Variants in SLC6A12 observed in about 807,000 individuals in gnomAD.
SLC6A12 encodes solute carrier family 6 member 12.
Under a neutral mutation model 73.3 loss-of-function variants are expected in SLC6A12, and 50 were observed. The ratio of observed to expected loss-of-function variants is 0.68; its 90% CI spans 0.54 to 0.86. SLC6A12 has a LOEUF of 0.86. Ranked by LOEUF, SLC6A12 falls within the 40% of genes least tolerant of loss-of-function variation. SLC6A12 has a pLI of 0.00. For missense variants in SLC6A12, 648 were observed against 772.8 expected, an observed-to-expected ratio of 0.84 and a Z score of 1.92; for synonymous variants, 304 against 309.2, an observed-to-expected ratio of 0.98 and a Z score of 0.18.
Position 196,111 on chromosome 12 carries a change from G to A in SLC6A12, c.1326+13C>T, listed in dbSNP as rs766003363. ...CCTGGAGCCTGGCCTGCAGGCCGGC[G>A]GCCGCAGCTCACCTCGGTGACCAGG... is the stretch of plus-strand genomic sequence containing the variant. On this transcript the variant is annotated intron_variant, in intron 12 of 15. Coordinates refer to ENST00000684302, the MANE Select transcript of SLC6A12 (RefSeq NM_001122848.3). The A allele has an allele frequency of 1.2e-5, 18 of 1,552,708 alleles. No individual in the cohort carries two copies. The highest frequency in any genetic ancestry group is 2.0e-4 in the Middle Eastern group (1 of 4,986).
chr12:209,872 AT>A lies in SLC6A12; in HGVS notation c.114del (p.Gln38HisfsTer92). On this transcript the variant is annotated frameshift_variant, in exon 3 of 16. Coordinates refer to ENST00000684302, the MANE Select transcript of SLC6A12 (RefSeq NM_001122848.3). LOFTEE classifies it high-confidence loss of function. ...EDEDQVKDRG[Q>X]WTNKMEFVLS... ...AGCACAAACTCCATCTTGTTGGTCCATTGGCCCCGATCCTTCACCTGGTCCT... is the reference window on the plus strand; with the variant it reads ...AGCACAAACTCCATCTTGTTGGTCCATGGCCCCGATCCTTCACCTGGTCCT... The A allele has an allele frequency of 6.2e-7, 1 of 1,614,150 alleles. No homozygotes were observed. Among genetic ancestry groups the A allele is most frequent in the Non-Finnish European group, 8.5e-7 (1 of 1,180,024 alleles).
chr12:184,252 C>T, the SLC6A12 span, among the ~76,000 whole-genome samples: 1 of 151,988 alleles, frequency 6.6e-6, no homozygotes, highest in African/African-American at 2.4e-5. Flanking sequence ...AAAATTCAAC[C>T]CTTACTGTTG....
In SLC6A12 at chr12:204,705, AAG is replaced by A; in HGVS notation, c.215-9_215-8del. 6.2e-7 allele frequency: 1 copy of A among 1,613,808 alleles called. No individual in the cohort carries two copies. The highest frequency in any genetic ancestry group is 8.5e-7 in the Non-Finnish European group (1 of 1,179,942). On this transcript the variant is annotated splice_polypyrimidine_tract_variant and splice_region_variant and intron_variant, in intron 3 of 15. Coordinates refer to ENST00000684302, the MANE Select transcript of SLC6A12 (RefSeq NM_001122848.3). ...TAGGGGATGAAGAAGGCTCCTGCAG[AAG>A]AGAGAGAGGCAGGGCTGAGCCACAC...
At chr12:187,606 A>ACCCACAC (rs1565461323), downstream of SLC6A12, among the ~76,000 whole-genome samples, 13 of 14,488 alleles carry the variant, frequency 9.0e-4, no homozygotes, top group Non-Finnish European at 5.1e-3. Flanking sequence ...AAAAAAAAAA[A>ACCCACAC]AAAAAAAAAA....
At position 192,655 on chromosome 12, in the gene SLC6A12, G is replaced by A. The variant is rs1939655921; in HGVS notation, c.1531-7C>T. ...AGGAGAAGAGGAAAGTGGCCTGGGA[G>A]AAGGAAGGGGCAGCCATGGGTAAGA... On this transcript the variant is annotated splice_region_variant and splice_polypyrimidine_tract_variant and intron_variant, in intron 14 of 15. Transcript: ENST00000684302. 2 of 1,613,866 alleles carry A rather than the reference G, an allele frequency of 1.2e-6. No individual in the cohort carries two copies. Among genetic ancestry groups the A allele is most frequent in the Admixed American group, 3.3e-5 (2 of 60,002 alleles).
At chr12:193,216 C>A in intron 14 of SLC6A12, 61 bp downstream of exon 14, 1 of 1,219,788 alleles carries the variant, frequency 8.2e-7, no homozygotes, top group South Asian at 1.2e-5. Context: ...CCGTCCTTTC[C>A]CTCATCTCTG....
chr12:201,243 G>A (rs1212500681), intron 6 of SLC6A12: 2 of 199,364 alleles, frequency 1.0e-5, no homozygotes, highest in Non-Finnish European at 2.0e-5. Flanking sequence ...GGTTAGCTCA[G>A]TGTGAGAGAG....
chr12:201,749 GC>G lies in SLC6A12; in HGVS notation c.578+12del. 6.2e-7 allele frequency: 1 copy of G among 1,607,120 alleles called. No homozygotes were observed. Among genetic ancestry groups the G allele is most frequent in the Non-Finnish European group, 8.5e-7 (1 of 1,173,606 alleles). On this transcript the variant is annotated intron_variant, in intron 6 of 15. Transcript: ENST00000684302. ...TTTCCTCTTCATATGTGGCAAATGG[GC>G]CCAGCACCTACTCCCAGAATTCCAT...
Position 209,753 on chromosome 12 carries a change from C to T in SLC6A12, c.214+20G>A. 1 of 1,614,078 alleles carries T rather than the reference C, an allele frequency of 6.2e-7. No individual in the cohort carries two copies. The highest frequency in any genetic ancestry group is 8.5e-7 in the Non-Finnish European group (1 of 1,179,930). On this transcript the variant is annotated intron_variant, in intron 3 of 15. Coordinates refer to ENST00000684302, the MANE Select transcript of SLC6A12 (RefSeq NM_001122848.3). The stretch of plus-strand genomic sequence containing the variant: ...CAGCACACAGCTCTCCCCACCATGC[C>T]TACCTCAAAGTGAACTCACCACCTC...
intron 10 of SLC6A12, among the ~76,000 whole-genome samples, 181 bp downstream of exon 10, chr12:197,194 CAT>C (rs1939958443): frequency 2.5e-5 from 3 of 119,248 alleles, no homozygotes; most frequent in Non-Finnish European, 5.5e-5. Context: ...TCCATCCATC[CAT>C]TCATCCATCC....
At chr12:192,003 A>G (rs900924271) in intron 15 of SLC6A12, among the ~76,000 whole-genome samples, 2 of 152,240 alleles carry the variant, frequency 1.3e-5, no homozygotes, top group East Asian at 1.9e-4. Flanking sequence ...AGCTCCTTCC[A>G]GGAGGATATG....
At chr12:187,962 G>A (rs1366510027), downstream of SLC6A12, among the ~76,000 whole-genome samples, 2 of 152,144 alleles carry the variant, frequency 1.3e-5, no homozygotes, top group African/African-American at 2.4e-5. Flanking sequence ...CCTTGAGCTA[G>A]ATACAGAGTG....
intron 14 of SLC6A12, chr12:192,991 C>G (rs1565465555): frequency 3.8e-6 from 2 of 521,152 alleles, no homozygotes; most frequent in Non-Finnish European, 6.9e-6. Context: ...AGAAGAGAAG[C>G]TCAGACAGAC....
intron 3 of SLC6A12, among the ~76,000 whole-genome samples, chr12:206,328 T>C (rs1940642053): frequency 6.6e-6 from 1 of 152,230 alleles, no homozygotes; most frequent in South Asian, 2.1e-4. Flanking sequence ...AGTGTAATTA[T>C]ACAGTGCTTA....
At chr12:189,117 G>A (rs1420785816), downstream of SLC6A12, among the ~76,000 whole-genome samples, 1 of 152,240 alleles carries the variant, frequency 6.6e-6, no homozygotes, top group African/African-American at 2.4e-5. Flanking sequence ...CCTCCAGGGT[G>A]CAGCACCGAC....
intron 6 of SLC6A12, chr12:201,401 C>A: frequency 4.0e-6 from 1 of 252,308 alleles, no homozygotes; most frequent in Non-Finnish European, 7.7e-6. Flanking sequence ...CAATTTCAAG[C>A]TACTGGCATG....
chr12:192,733 C>T, intron 14 of SLC6A12, 85 bp from the exon 15 acceptor site: 1 of 1,324,942 alleles, frequency 7.5e-7, no homozygotes, highest in Non-Finnish European at 1.1e-6. Context: ...GGACAGAGGA[C>T]AAGTCAGGTG....
rs1404439893 is a variant in SLC6A12 at position 198,711 on chromosome 12, G to A, written c.846+86C>T. 8 of 1,201,450 alleles carry A rather than the reference G, an allele frequency of 6.7e-6. No individual in the cohort carries two copies. In the East Asian group the frequency reaches 2.0e-4, roughly 30 times the overall value. The allele number at this position is 1,201,450 out of a possible 1,614,324, so 74.4% of individuals were successfully genotyped here. A position where few individuals can be genotyped will look rare whatever the true frequency, so the allele number is the denominator to read the frequency against. On this transcript the variant is annotated intron_variant, in intron 8 of 15. Transcript: ENST00000684302. This position sits in a 1 kb window ranked among gnomAD's most constrained non-coding sequence, Gnocchi z 4.0. ...TGGGCATTTATTGCTTTTAAACCAAGGAAAAAGCTATACAAGACTTTCAAA... is the reference window on the plus strand; with the variant it reads ...TGGGCATTTATTGCTTTTAAACCAAAGAAAAAGCTATACAAGACTTTCAAA...
At chr12:187,618 A>G (rs1191463235), downstream of SLC6A12, among the ~76,000 whole-genome samples, 1 of 28,760 alleles carries the variant, frequency 3.5e-5, no homozygotes, top group Non-Finnish European at 9.0e-5. Flanking sequence ...AAAAAAAAAA[A>G]AAAAAAAAAA....
Sources: gnomAD v4.1 joint callset for allele counts (sites outside exome capture counted in the v4.1 genomes callset) on GRCh38, gnomAD v4.1.1 for gene constraint, Gnocchi (gnomAD v3.1) non-coding constraint, MANE v1.5 for transcripts, NCBI Gene and HGNC (gene_info 2026-07-23, HGNC 2026-07-21) for gene names.